Variants in THOC1 observed in about 807,000 individuals in gnomAD.
THOC1 encodes the protein THO complex subunit 1.
In THOC1, 29 loss-of-function variants were observed where a neutral mutation model predicts 97.3. The observed-to-expected ratio is 0.30, with a 90% CI of 0.22 to 0.41. The LOEUF is 0.41. Among genes scored for constraint, THOC1 ranks in the 10% least tolerant of loss-of-function variants. THOC1 has a pLI of 1.00. For missense variants in THOC1, 529 were observed against 761.9 expected, an observed-to-expected ratio of 0.69 and a Z score of 3.60; for synonymous variants, 255 against 257.0, an observed-to-expected ratio of 0.99 and a Z score of 0.07.
chr18:223,564 G>T (rs780943675), intron 16 of THOC1, 59 bp from the exon 17 acceptor site: 38 of 1,314,294 alleles, frequency 2.9e-5, no homozygotes, highest in Non-Finnish European at 3.8e-5. Flanking sequence ...CATGTGCCTT[G>T]AAACTGAACA....
chr18:243,952 T>G (rs1911999335), intron 11 of THOC1, among the ~76,000 whole-genome samples: 1 of 152,196 alleles, frequency 6.6e-6, no homozygotes, highest in East Asian at 1.9e-4. Flanking sequence ...CTCTTCCTTT[T>G]TTCTGCCATT....
chr18:248,473 G>A (rs994301147), intron 9 of THOC1, among the ~76,000 whole-genome samples: 4 of 152,048 alleles, frequency 2.6e-5, no homozygotes, highest in African/African-American at 9.7e-5. Context: ...TACCAGCCTT[G>A]GACTGCCTGC....
At chr18:261,330 T>C (rs972623354) in intron 4 of THOC1, among the ~76,000 whole-genome samples, 1 of 152,158 alleles carries the variant, frequency 6.6e-6, no homozygotes, top group Admixed American at 6.5e-5. Flanking sequence ...AGGAAAAATA[T>C]CTAGGGTGAT....
intron 11 of THOC1, among the ~76,000 whole-genome samples, chr18:228,881 T>C (rs531973075): frequency 6.6e-6 from 1 of 152,348 alleles, no homozygotes; most frequent in African/African-American, 2.4e-5. Flanking sequence ...TCTTTCTTTA[T>C]TCTTCAAGGC....
chr18:263,269 C>T (rs1912661028), intron 4 of THOC1, among the ~76,000 whole-genome samples: 1 of 152,006 alleles, frequency 6.6e-6, no homozygotes. Flanking sequence ...TTAGTAGAGA[C>T]GGGGTTTCAT....
At chr18:263,790 T>C (rs1598308495) in intron 4 of THOC1, 2 of 414,546 alleles carry the variant, frequency 4.8e-6, no homozygotes, top group East Asian at 8.1e-5. Context: ...GAAAATTTAC[T>C]GAATGAACAA....
intron 11 of THOC1, chr18:244,322 T>G (rs1437364998): frequency 1.3e-5 from 2 of 152,182 alleles, no homozygotes; most frequent in African/African-American, 4.8e-5. Context: ...TGTATCCCAC[T>G]CCATTCTTAT....
intron 11 of THOC1, among the ~76,000 whole-genome samples, chr18:238,830 CAT>C (rs1162720068): frequency 6.6e-6 from 1 of 152,124 alleles, no homozygotes; most frequent in African/African-American, 2.4e-5. Context: ...CCTTAATACT[CAT>C]AGTCAATGTA....
At chr18:220,739 TCA>T (rs965145624) in intron 17 of THOC1, among the ~76,000 whole-genome samples, 1 of 151,672 alleles carries the variant, frequency 6.6e-6, no homozygotes, top group African/African-American at 2.4e-5. Flanking sequence ...TGATTCACTC[TCA>T]CAGATTTGGC....
chr18:216,486 C>CGGTA lies in THOC1; in HGVS notation c.1598_1601dup (p.Pro535ThrfsTer5). On this transcript the variant is annotated frameshift_variant and splice_region_variant, in exon 19 of 21. Transcript: ENST00000261600. LOFTEE classifies it high-confidence loss of function. Reference sequence around the variant, plus strand: ...TGAAAAGTTGATCTATGGTACTTACCGGTAATTCCTTGGCTAGCTTTATTA... The same window carrying CGGTA: ...TGAAAAGTTGATCTATGGTACTTACCGGTAGGTAATTCCTTGGCTAGCTTTATTA... 1 of 1,613,338 alleles carries CGGTA rather than the reference C, an allele frequency of 6.2e-7. No homozygotes were observed. The highest frequency in any genetic ancestry group is 8.5e-7 in the Non-Finnish European group (1 of 1,179,622).
At chr18:219,902 A>G (rs1397820502) in intron 17 of THOC1, among the ~76,000 whole-genome samples, 1 of 152,176 alleles carries the variant, frequency 6.6e-6, no homozygotes, top group Non-Finnish European at 1.5e-5. Flanking sequence ...AATTGTTACC[A>G]TGGTAGCATG....
chr18:223,363 A>G, intron 17 of THOC1, 77 bp downstream of exon 17: 2 of 1,209,560 alleles, frequency 1.7e-6, no homozygotes, highest in Non-Finnish European at 2.3e-6. Flanking sequence ...TTGAGCTCTG[A>G]TCATAGCTGA....
chr18:257,281 T>G (rs1387815834), intron 7 of THOC1, among the ~76,000 whole-genome samples: 1 of 152,176 alleles, frequency 6.6e-6, no homozygotes, highest in Non-Finnish European at 1.5e-5. Context: ...CAGAATGCAA[T>G]ATAGAATAAT....
chr18:221,647 C>T (rs1784382), intron 17 of THOC1, among the ~76,000 whole-genome samples: 88,681 of 141,876 alleles, frequency 0.63, 27,467 homozygotes, highest in South Asian at 0.75. Flanking sequence ...CTCGCTCTGT[C>T]GCCCAGGCTG....
chr18:248,669 T>C (rs1424500458), intron 9 of THOC1, among the ~76,000 whole-genome samples: 1 of 152,208 alleles, frequency 6.6e-6, no homozygotes, highest in Non-Finnish European at 1.5e-5. Flanking sequence ...AAGCCCTTTA[T>C]CTAGTAACTT....
chr18:233,541 G>A lies in THOC1; in HGVS notation c.919-6640C>T, dbSNP rs891959251. Among the ~76,000 whole-genome samples the A allele has an allele frequency of 5.3e-5, 8 of 152,320 alleles. No homozygotes were observed. In the South Asian group the frequency reaches 1.4e-3, roughly 28 times the overall value. On this transcript the variant is annotated intron_variant, in intron 11 of 20. Coordinates refer to ENST00000261600, the MANE Select transcript of THOC1 (RefSeq NM_005131.3). ...GTGGAGGCTGCGATGAGCCAAGATC[G>A]CGCCACTGCACTCGCCTGGGCAACA...
chr18:263,041 T>C (rs2143304963), intron 4 of THOC1, among the ~76,000 whole-genome samples: 1 of 152,288 alleles, frequency 6.6e-6, no homozygotes, highest in Admixed American at 6.5e-5. Context: ...CCTGCCCAGT[T>C]TTCCTGCCAG....
intron 9 of THOC1, among the ~76,000 whole-genome samples, chr18:249,441 C>T (rs1401325812): frequency 3.9e-5 from 6 of 151,986 alleles, no homozygotes; most frequent in Non-Finnish European, 8.8e-5. Context: ...CTGAGGCGGG[C>T]GGATCACGAG....
At chr18:222,706 C>T (rs1297525142) in intron 17 of THOC1, among the ~76,000 whole-genome samples, 2 of 151,834 alleles carry the variant, frequency 1.3e-5, no homozygotes, top group African/African-American at 4.8e-5. Context: ...TTTTCAAGCA[C>T]TCATCCCACT....
Sources: gnomAD v4.1 joint callset for allele counts (sites outside exome capture counted in the v4.1 genomes callset) on GRCh38, gnomAD v4.1.1 for gene constraint, MANE v1.5 for transcripts, NCBI Gene and HGNC (gene_info 2026-07-23, HGNC 2026-07-21) for gene names.